ME1: variants seen among roughly 807,000 people sequenced by gnomAD.
ME1 encodes NADP-dependent malic enzyme.
ME1 carries 74 observed loss-of-function variants against 66.4 expected under a neutral mutation model. The ratio of observed to expected loss-of-function variants is 1.11; its 90% confidence interval spans 0.92 to 1.35. The LOEUF is 1.35. ME1 is among the 40% of genes most tolerant of loss of function. The pLI is 0.00. For missense variants in ME1, 750 were observed against 694.1 expected, an observed-to-expected ratio of 1.08 and a Z score of -0.90; for synonymous variants, 251 against 235.6, an observed-to-expected ratio of 1.07 and a Z score of -0.60.
At chr6:83,356,451 C>A (rs1183808011) in intron 3 of ME1, among the ~76,000 whole-genome samples, 1 of 151,980 alleles carries the variant, frequency 6.6e-6, no homozygotes, top group Non-Finnish European at 1.5e-5. Context: ...CAGGAAATAG[C>A]TAGGATAAAG....
chr6:83,242,014 C>G (rs192352869), intron 7 of ME1, among the ~76,000 whole-genome samples: 26 of 152,196 alleles, frequency 1.7e-4, no homozygotes, highest in African/African-American at 6.0e-4. Context: ...AGGCACCCAC[C>G]ACCATGCCTG....
At chr6:83,332,147 C>A (rs569808781) in intron 5 of ME1, among the ~76,000 whole-genome samples, 26 of 152,140 alleles carry the variant, frequency 1.7e-4, no homozygotes, top group Admixed American at 5.9e-4. Flanking sequence ...AAAATATAAA[C>A]ACAAACACCC....
intron 3 of ME1, among the ~76,000 whole-genome samples, chr6:83,360,334 G>A (rs1768984056): frequency 6.6e-6 from 1 of 152,136 alleles, no homozygotes; most frequent in East Asian, 1.9e-4. Context: ...GGGGACTACT[G>A]GACAATGGCT....
chr6:83,226,983 A>C (rs1052576066), intron 11 of ME1, among the ~76,000 whole-genome samples: 1 of 152,182 alleles, frequency 6.6e-6, no homozygotes, highest in Admixed American at 6.5e-5. Context: ...TTTACATTGT[A>C]TGCTTCAGTG....
At position 83,371,479 on chromosome 6, in the gene ME1, C is replaced by T. The variant is rs149973834; in HGVS notation, c.363-19340G>A. Among the ~76,000 whole-genome samples, 997 of 152,250 alleles carry T rather than the reference C, an allele frequency of 6.5e-3. 2 individuals carry two copies. Among genetic ancestry groups the T allele is most frequent in the Non-Finnish European group, 0.012 (783 of 68,008 alleles). ...AACTGTAGGAATAGGCCTATATAAA[C>T]CTAAACAGAAAAACTGCTGTTTGTT... On this transcript the variant is annotated intron_variant, in intron 3 of 13. Coordinates refer to ENST00000369705, the MANE Select transcript of ME1 (RefSeq NM_002395.6).
chr6:83,348,993 A>C (rs188322507), intron 4 of ME1, among the ~76,000 whole-genome samples: 12 of 147,942 alleles, frequency 8.1e-5, no homozygotes, highest in Admixed American at 4.8e-4. Flanking sequence ...TCAAAAAAAA[A>C]AAAAAAAACA....
chr6:83,244,716 A>T (rs1790586213), intron 7 of ME1, among the ~76,000 whole-genome samples: 1 of 152,116 alleles, frequency 6.6e-6, no homozygotes, highest in South Asian at 2.1e-4. Context: ...ATTTTAAAAC[A>T]TGTATTGAGG....
intron 6 of ME1, among the ~76,000 whole-genome samples, chr6:83,280,646 G>A (rs1157619771): frequency 6.6e-6 from 1 of 152,126 alleles, no homozygotes; most frequent in East Asian, 1.9e-4. Flanking sequence ...TGCTGCCCAT[G>A]TTTTGGCAAG....
intron 3 of ME1, among the ~76,000 whole-genome samples, chr6:83,395,489 T>C (rs528815795): frequency 2.0e-4 from 31 of 152,008 alleles, no homozygotes; most frequent in African/African-American, 7.5e-4. Flanking sequence ...TCTTTTTTTT[T>C]TTTTTGAGAC....
intron 6 of ME1, among the ~76,000 whole-genome samples, chr6:83,305,519 A>G (rs1174725512): frequency 6.6e-6 from 1 of 152,132 alleles, no homozygotes; most frequent in Non-Finnish European, 1.5e-5. Context: ...CTGGGAGAAG[A>G]ATATTTTAGA....
chr6:83,219,349 G>A (rs989484195), intron 12 of ME1, among the ~76,000 whole-genome samples: 1 of 152,166 alleles, frequency 6.6e-6, no homozygotes, highest in African/African-American at 2.4e-5. Flanking sequence ...GAGCATGGTG[G>A]TTGAAGGCTC....
rs57471870 is a variant in ME1 at position 83,428,011 on chromosome 6, C to CAA, written c.78+2864_78+2865dup. On this transcript the variant is annotated intron_variant, in intron 1 of 13. Transcript: ENST00000369705. Reference sequence around the variant, plus strand: ...TGGGCAACAGAACAAGGCTCTGTCTCAAAAAAAAAAAAAGGAAAATAAAAA... The same window carrying CAA: ...TGGGCAACAGAACAAGGCTCTGTCTCAAAAAAAAAAAAAAAGGAAAATAAAAA... 7.0e-3 allele frequency among the ~76,000 whole-genome samples: 852 copies of CAA among 122,370 alleles called. 6 individuals are homozygous for CAA. The highest frequency in any genetic ancestry group is 0.022 in the African/African-American group (779 of 35,512). The allele number at this position is 122,370 out of a possible 152,430, so 80.3% of individuals were successfully genotyped here.
intron 6 of ME1, among the ~76,000 whole-genome samples, chr6:83,293,910 T>A (rs2128535347): frequency 6.6e-6 from 1 of 152,370 alleles, no homozygotes; most frequent in Admixed American, 6.5e-5. Context: ...TTGTAGCATC[T>A]ATTTACTCTC....
At chr6:83,348,512 C>T (rs1768729826) in intron 4 of ME1, among the ~76,000 whole-genome samples, 1 of 152,050 alleles carries the variant, frequency 6.6e-6, no homozygotes, top group Non-Finnish European at 1.5e-5. Flanking sequence ...TTTAGCTTAG[C>T]TTAGTTATGA....
intron 7 of ME1, 71 bp from the exon 8 acceptor site, chr6:83,239,707 A>G: frequency 1.9e-6 from 2 of 1,053,370 alleles, no homozygotes; most frequent in Non-Finnish European, 2.9e-6. Context: ...TTTTATTCAC[A>G]ACTTGAAATA....
chr6:83,409,937 T>C (rs2128552288), intron 1 of ME1, among the ~76,000 whole-genome samples: 1 of 152,352 alleles, frequency 6.6e-6, no homozygotes, highest in South Asian at 2.1e-4. Flanking sequence ...TAATCCAGTA[T>C]GTTCAATTGT....
chr6:83,430,454 A>G (rs1264298323), intron 1 of ME1, among the ~76,000 whole-genome samples: 2 of 152,190 alleles, frequency 1.3e-5, no homozygotes, highest in Non-Finnish European at 2.9e-5. Context: ...TCAACTTCCA[A>G]TAATTGCCAC....
intron 3 of ME1, chr6:83,392,330 G>C: frequency 1.9e-6 from 1 of 517,218 alleles, no homozygotes; most frequent in Non-Finnish European, 3.8e-6. Context: ...GTATAATTCT[G>C]CCCATGGCAA....
At chr6:83,304,320 TGAGA>T (rs1303949127) in intron 6 of ME1, among the ~76,000 whole-genome samples, 1 of 152,176 alleles carries the variant, frequency 6.6e-6, no homozygotes, top group Non-Finnish European at 1.5e-5. Context: ...CTTCCTGAGC[TGAGA>T]GTCAGGCTCC....
Sources: allele counts gnomAD v4.1 joint callset (sites outside exome capture counted in the v4.1 genomes callset), GRCh38; gene constraint gnomAD v4.1.1; transcripts MANE v1.5; gene names NCBI Gene and HGNC (gene_info 2026-07-23, HGNC 2026-07-21).